SEMA7A: variants seen among roughly 807,000 people sequenced by gnomAD.
SEMA7A encodes the protein semaphorin-7A.
A neutral mutation model predicts 67.5 loss-of-function variants in SEMA7A; 21 were observed. The observed-to-expected ratio is 0.31, with a 90% CI of 0.22 to 0.45. The LOEUF (loss-of-function observed/expected upper bound fraction) is 0.45. Among genes scored for constraint, SEMA7A ranks in the 20% least tolerant of loss-of-function variants. SEMA7A has a pLI of 1.00. For missense variants in SEMA7A, 774 were observed against 908.6 expected, an observed-to-expected ratio of 0.85 and a Z score of 1.90; for synonymous variants, 364 against 368.5, an observed-to-expected ratio of 0.99 and a Z score of 0.14.
Position 74,410,639 on chromosome 15 carries a change from G to C in SEMA7A, c.1986C>G (p.Gly662=). The C allele has an allele frequency of 1.9e-6, 3 of 1,594,190 alleles. No individual in the cohort carries two copies. Among genetic ancestry groups the C allele is most frequent in the Non-Finnish European group, 2.6e-6 (3 of 1,167,332 alleles). The change falls in exon 14 of 14, where the codon GGC becomes GGG. Residue 662 remains glycine (G), a synonymous_variant. Transcript: ENST00000261918. This position sits in a 1 kb window ranked among gnomAD's most constrained non-coding sequence, Gnocchi z 7.5. ...WLGVLPTLTL[G]LLVH is the part of the protein sequence containing the mutation. Reference sequence around the variant, plus strand: ...TCGGGAGGCCCTAGTGGACCAGCAAGCCAAGAGTGAGTGTGGGCAGCACCC... The same window carrying C: ...TCGGGAGGCCCTAGTGGACCAGCAACCCAAGAGTGAGTGTGGGCAGCACCC...
intron 1 of SEMA7A, chr15:74,427,131 C>T: frequency 1.3e-6 from 1 of 780,362 alleles, no homozygotes; most frequent in Non-Finnish European, 1.6e-6. Flanking sequence ...CAGACTGCTC[C>T]AGCCCTCACT....
chr15:74,416,252 G>A (rs563545650), intron 7 of SEMA7A, among the ~76,000 whole-genome samples: 29 of 151,934 alleles, frequency 1.9e-4, no homozygotes, highest in Non-Finnish European at 2.9e-4. Flanking sequence ...CAGAGCAGAC[G>A]GACTCAGACA....
intron 1 of SEMA7A, 132 bp downstream of exon 1, chr15:74,433,609 G>A (rs972935166): frequency 1.6e-6 from 2 of 1,271,600 alleles, no homozygotes; most frequent in Non-Finnish European, 2.0e-6. Flanking sequence ...CACGCTCCAC[G>A]CGGGGACAGC....
Position 74,410,756 on chromosome 15 carries a change from C to T in SEMA7A, c.1869G>A (p.Glu623=). ...CEAQEGSYFR[E]AQHWQLLPED... ...CGGGCAGCAGCTGCCAGTGCTGAGC[C>T]TCGCGGAAGTAGGAGCCCTCCTGGG... Residue 623 remains glutamate (E), a synonymous_variant, in exon 14 of 14, where the codon GAG becomes GAA. Coordinates refer to ENST00000261918, the MANE Select transcript of SEMA7A (RefSeq NM_003612.5). This position sits in a 1 kb window ranked among gnomAD's most constrained non-coding sequence, Gnocchi z 7.5. 2 of 1,614,138 alleles carry T rather than the reference C, an allele frequency of 1.2e-6. No individual in the cohort carries two copies. Among genetic ancestry groups the T allele is most frequent in the Non-Finnish European group, 1.7e-6 (2 of 1,180,030 alleles).
intron 3 of SEMA7A, 123 bp from the exon 4 acceptor site, chr15:74,418,092 T>C (rs2060968004): frequency 8.1e-7 from 1 of 1,229,974 alleles, no homozygotes; most frequent in East Asian, 2.4e-5. Context: ...GGTGACAGCC[T>C]CCCGGGACAG....
At chr15:74,412,941 A>G (rs1352898227) in intron 10 of SEMA7A, among the ~76,000 whole-genome samples, 1 of 152,184 alleles carries the variant, frequency 6.6e-6, no homozygotes, top group East Asian at 1.9e-4. Context: ...TCCGTTCACA[A>G]TTAGGGACCA....
chr15:74,424,812 T>C (rs1454882135), intron 1 of SEMA7A, among the ~76,000 whole-genome samples: 1 of 152,176 alleles, frequency 6.6e-6, no homozygotes, highest in Non-Finnish European at 1.5e-5. Flanking sequence ...AAACATCATG[T>C]CCCATCTACC....
Position 74,433,750 on chromosome 15 carries a change from C to A in SEMA7A, c.169G>T (p.Val57Phe). Residue 57 changes from valine to phenylalanine, a missense_variant, in exon 1 of 14, where the codon GTC (valine) becomes TTC (phenylalanine). Val to Phe is a conservative substitution (Grantham distance 50, BLOSUM62 -1). Transcript: ENST00000261918. ...HLRSGPRIFA[V>F]WKGHVGQDRV... ...GCGCGGCGCCGCCTACCTTTCCAGA[C>A]GGCGAAGATGCGGGGTCCGCTCCTT... is the stretch of plus-strand genomic sequence containing the variant. 1 of 1,443,952 alleles carries A rather than the reference C, an allele frequency of 6.9e-7. No individual in the cohort carries two copies. Among genetic ancestry groups the A allele is most frequent in the East Asian group, 3.0e-5 (1 of 32,822 alleles). The allele number at this position is 1,443,952 out of a possible 1,614,324, so 89.4% of individuals were successfully genotyped here.
At chr15:74,425,981 T>C (rs2061040760) in intron 1 of SEMA7A, among the ~76,000 whole-genome samples, 1 of 152,046 alleles carries the variant, frequency 6.6e-6, no homozygotes, top group African/African-American at 2.4e-5. Context: ...CAATTAAAAC[T>C]CCCCATGGAG....
At chr15:74,412,092 T>G (rs1596186783) in intron 10 of SEMA7A, 80 bp from the exon 11 acceptor site, 9 of 1,509,024 alleles carry the variant, frequency 6.0e-6, no homozygotes, top group African/African-American at 1.4e-5. Flanking sequence ...CGGGGAGGGG[T>G]GGGAAGTCAC....
In SEMA7A at chr15:74,411,888, C is replaced by T. The variant is rs1315805550; in HGVS notation, c.1419G>A (p.Glu473=). 1.9e-6 allele frequency: 3 copies of T among 1,613,738 alleles called. No homozygotes were observed. The highest frequency in any genetic ancestry group is 2.5e-6 in the Non-Finnish European group (3 of 1,179,998). Residue 473 remains glutamate (E), a synonymous_variant, in exon 11 of 14, where the codon GAG becomes GAA. Transcript: ENST00000261918. The surrounding 1 kb of genome is among the most constrained non-coding windows in gnomAD (Gnocchi z 4.4). ...GACGCAGTGGGGGAAGGCTCACCCG[C>T]TCAGCATCCAGCGACATGGTCTGGA... ...AAIQTMSLDA[E]RRKLYVSSQW...
At position 74,433,929 on chromosome 15, in the gene SEMA7A, C is replaced by T. The variant is rs1330756495; in HGVS notation, c.-11G>A. On this transcript the variant is annotated 5_prime_UTR_variant, in exon 1 of 14. Transcript: ENST00000261918. ...CGGAGGAGGCGTCATCCCGTGGCCC[C>T]GGGAGCGACAGCGGCAATCAGCCGA... The T allele has an allele frequency of 4.8e-6, 6 of 1,243,100 alleles. No individual in the cohort carries two copies. In the Admixed American group the frequency reaches 2.1e-4, roughly 44 times the overall value. The allele number at this position is 1,243,100 out of a possible 1,614,324, so 77.0% of individuals were successfully genotyped here. A position where few individuals can be genotyped will look rare whatever the true frequency, so the allele number is the denominator to read the frequency against.
intron 1 of SEMA7A, among the ~76,000 whole-genome samples, chr15:74,428,882 C>T (rs971063532): frequency 2.0e-5 from 3 of 152,230 alleles, no homozygotes; most frequent in Admixed American, 6.5e-5. Context: ...CAAGGCCTGG[C>T]TGGCTAGGGA....
intron 1 of SEMA7A, chr15:74,433,502 T>C (rs1199383452): frequency 4.3e-6 from 5 of 1,151,876 alleles, no homozygotes; most frequent in Non-Finnish European, 5.4e-6. Context: ...TTGGTGCGAC[T>C]TAGCCGGGGC....
chr15:74,433,952 C>T lies in SEMA7A; in HGVS notation c.-34G>A. 1 of 1,236,098 alleles carries T rather than the reference C, an allele frequency of 8.1e-7. No homozygotes were observed. Among genetic ancestry groups the T allele is most frequent in the Non-Finnish European group, 1.0e-6 (1 of 991,232 alleles). 76.6% of individuals were successfully genotyped at this position (1,236,098 alleles called of 1,614,324 possible). Reference sequence around the variant, plus strand: ...CCCGGGAGCGACAGCGGCAATCAGCCGAGACTGAGCCAGCGCCCGGCCGCA... The same window carrying T: ...CCCGGGAGCGACAGCGGCAATCAGCTGAGACTGAGCCAGCGCCCGGCCGCA... On this transcript the variant is annotated 5_prime_UTR_variant, in exon 1 of 14. Transcript: ENST00000261918.
chr15:74,429,234 G>C (rs1449190237), intron 1 of SEMA7A, among the ~76,000 whole-genome samples: 2 of 152,196 alleles, frequency 1.3e-5, no homozygotes, highest in African/African-American at 4.8e-5. Context: ...GTGAAGCTGG[G>C]GGTGGACAGG....
At position 74,416,719 on chromosome 15, in the gene SEMA7A, C is replaced by T. The variant is rs781379200; in HGVS notation, c.662-5G>A. The T allele has an allele frequency of 8.7e-6, 14 of 1,613,630 alleles. No individual in the cohort carries two copies. The highest frequency in any genetic ancestry group is 1.7e-5 in the Admixed American group (1 of 59,968). ...TGGCTTTGATGAACTGTGGGTCTGCCAGGGACAGAGGCGAGTGGGCGTAAG... is the reference window on the plus strand; with the variant it reads ...TGGCTTTGATGAACTGTGGGTCTGCTAGGGACAGAGGCGAGTGGGCGTAAG... On this transcript the variant is annotated splice_region_variant and splice_polypyrimidine_tract_variant and intron_variant, in intron 6 of 13. Coordinates refer to ENST00000261918, the MANE Select transcript of SEMA7A (RefSeq NM_003612.5).
rs773007091 is a variant in SEMA7A, at chr15:74,411,384, A to G, written c.1578-28T>C. On this transcript the variant is annotated intron_variant, in intron 12 of 13. Transcript: ENST00000261918. This position sits in a 1 kb window ranked among gnomAD's most constrained non-coding sequence, Gnocchi z 4.4. ...GGAGTGGGAAGGACGAAAGAGGATCAGCAGATACAAGGCTGCAGACCTGAC... is the reference window on the plus strand; with the variant it reads ...GGAGTGGGAAGGACGAAAGAGGATCGGCAGATACAAGGCTGCAGACCTGAC... 6.2e-7 allele frequency: 1 copy of G among 1,611,486 alleles called. No homozygotes were observed. The highest frequency in any genetic ancestry group is 1.1e-5 in the South Asian group (1 of 90,616).
chr15:74,420,721 A>G (rs1349605602), intron 1 of SEMA7A, among the ~76,000 whole-genome samples: 3 of 152,088 alleles, frequency 2.0e-5, no homozygotes, highest in Non-Finnish European at 2.9e-5. Flanking sequence ...CAGCTCCCGT[A>G]ACTCCCCTTC....
Sources: gnomAD v4.1 joint callset for allele counts (sites outside exome capture counted in the v4.1 genomes callset) on GRCh38, gnomAD v4.1.1 for gene constraint, Gnocchi (gnomAD v3.1) non-coding constraint, MANE v1.5 for transcripts, NCBI Gene and HGNC (gene_info 2026-07-23, HGNC 2026-07-21) for gene names.